The following HIP1R variants were observed in gnomAD, a reference collection of about 807,000 sequenced individuals.
HIP1R encodes the protein huntingtin interacting protein 1 related, also known as huntingtin-interacting protein 1-related protein.
A neutral mutation model predicts 144.2 loss-of-function variants in HIP1R; 135 were observed. That is an observed-to-expected ratio of 0.94 (90% CI 0.81 to 1.08). HIP1R has a LOEUF of 1.08. HIP1R is among the 50% of genes least tolerant of loss of function. The pLI, the probability that HIP1R is intolerant of heterozygous loss-of-function variation, is 0.00. For synonymous variants in HIP1R, 698 were observed against 612.8 expected (o/e 1.14, Z -2.05); for missense variants, 1,462 against 1,432.8 (o/e 1.02, Z -0.33).
rs1044080582 is a variant in HIP1R, at chr12:122,862,887, G to A, written c.*1134G>A. The A allele has an allele frequency of 5.9e-5, 9 of 152,166 alleles. No individual in the cohort carries two copies. The highest frequency in any genetic ancestry group is 8.8e-5 in the Non-Finnish European group (6 of 68,026). The allele number at this position is 152,166 out of a possible 1,614,324, so 9.4% of individuals were successfully genotyped here. A position where few individuals can be genotyped will look rare whatever the true frequency, so the allele number is the denominator to read the frequency against. The stretch of plus-strand genomic sequence containing the variant: ...GGAGCAAAAATGAGCCAGCACCAGC[G>A]CCTTGGCTTTGTGTTAGCATTTCCT... On this transcript the variant is annotated 3_prime_UTR_variant, in exon 32 of 32. Transcript: ENST00000253083.
At position 122,862,643 on chromosome 12, in the gene HIP1R, A is replaced by G. The variant is rs1205904873; in HGVS notation, c.*890A>G. The G allele has an allele frequency of 2.0e-5, 3 of 151,720 alleles. No homozygotes were observed. Among genetic ancestry groups the G allele is most frequent in the African/African-American group, 7.3e-5 (3 of 41,226 alleles). 9.4% of individuals were successfully genotyped at this position (151,720 alleles called of 1,614,324 possible). On this transcript the variant is annotated 3_prime_UTR_variant, in exon 32 of 32. Coordinates refer to ENST00000253083, the MANE Select transcript of HIP1R (RefSeq NM_003959.3). ...CTGGACCAGGGCCCTCAGGGAGGGG[A>G]CCCTGCGGCTAGAGTGGGCTAGGCC...
At chr12:122,843,687 G>T (rs1374910850) in intron 1 of HIP1R, among the ~76,000 whole-genome samples, 8 of 152,158 alleles carry the variant, frequency 5.3e-5, no homozygotes, top group Non-Finnish European at 1.5e-5. Flanking sequence ...GTGGCCCCTG[G>T]GGCGTGGGTG....
intron 18 of HIP1R, 188 bp downstream of exon 18, chr12:122,857,403 T>A: frequency 1.6e-6 from 1 of 640,252 alleles, no homozygotes; most frequent in Non-Finnish European, 2.8e-6. Context: ...GCCTGTGTCA[T>A]TACCTCATTC....
chr12:122,854,167 G>A lies in HIP1R; in HGVS notation c.702G>A (p.Leu234=). 6.2e-7 allele frequency: 1 copy of A among 1,613,738 alleles called. No homozygotes were observed. Among genetic ancestry groups the A allele is most frequent in the Non-Finnish European group, 8.5e-7 (1 of 1,179,892 alleles). ...SHLYHYTVKL[L]FKLHSCLPAD... ...TCTACCACTACACGGTCAAGCTCCT[G>A]TTCAAGCTACACTCTTGTGAGTGGC... Residue 234 remains leucine, a synonymous_variant, in exon 8 of 32, where the codon CTG becomes CTA. Transcript: ENST00000253083.
In HIP1R at chr12:122,857,120, C is replaced by T. The variant is rs1413283188; in HGVS notation, c.1720C>T (p.Gln574Ter). The T allele has an allele frequency of 6.4e-7, 1 of 1,550,646 alleles. No homozygotes were observed. The highest frequency in any genetic ancestry group is 2.0e-5 in the Admixed American group (1 of 51,028). Residue 574 changes from glutamine (Q) to a stop codon, truncating the protein, a stop_gained, in exon 18 of 32, where the codon CAG becomes TAG. Coordinates refer to ENST00000253083, the MANE Select transcript of HIP1R (RefSeq NM_003959.3). LOFTEE classifies it high-confidence loss of function. ...GCGGGAGGCAGACCTGCTGGCGGCG[C>T]AGAGCCTGGTGCGCGAGACAGAGGC... ...RQREADLLAA[Q>*]SLVRETEAAL...
At chr12:122,857,939 C>T (rs752636618) in intron 18 of HIP1R, 163 bp from the exon 19 acceptor site, 3 of 563,888 alleles carry the variant, frequency 5.3e-6, no homozygotes, top group Non-Finnish European at 9.2e-6. Context: ...TATTCTTGAG[C>T]TGTGCACTGT....
chr12:122,843,371 T>C (rs1183163291), intron 1 of HIP1R, among the ~76,000 whole-genome samples: 2 of 152,220 alleles, frequency 1.3e-5, no homozygotes, highest in East Asian at 3.8e-4. Context: ...CCGAGGTTCC[T>C]TGTGAACATT....
At chr12:122,850,166 G>A (rs2033332661) in intron 5 of HIP1R, 4 of 680,964 alleles carry the variant, frequency 5.9e-6, no homozygotes, top group Non-Finnish European at 1.1e-5. Context: ...CGTGGACGTG[G>A]GCACGGGCTT....
At chr12:122,848,920 G>A (rs1396913426) in intron 4 of HIP1R, 68 bp downstream of exon 4, 30 of 1,534,220 alleles carry the variant, frequency 2.0e-5, no homozygotes, top group Non-Finnish European at 2.5e-5. Context: ...GCTGAGCGAA[G>A]GGTGGCTCCC....
chr12:122,861,634 C>A, intron 31 of HIP1R, 72 bp from the exon 32 acceptor site: 1 of 1,591,730 alleles, frequency 6.3e-7, no homozygotes, highest in Non-Finnish European at 8.6e-7. Flanking sequence ...CAGGGAGGAG[C>A]TTGCTCAAGG....
At chr12:122,837,407 C>CT (rs1438898634) in intron 1 of HIP1R, among the ~76,000 whole-genome samples, 1 of 152,058 alleles carries the variant, frequency 6.6e-6, no homozygotes, top group Non-Finnish European at 1.5e-5. Flanking sequence ...CAACCTCCGC[C>CT]TCCCGGGTTC....
intron 28 of HIP1R, 33 bp downstream of exon 28, chr12:122,860,817 C>A: frequency 2.5e-6 from 4 of 1,605,050 alleles, no homozygotes; most frequent in Non-Finnish European, 3.4e-6. Context: ...GCACACTGGG[C>A]TCTGGGCCCA....
chr12:122,856,785 A>G (rs1480815376), intron 17 of HIP1R, 59 bp downstream of exon 17: 2 of 1,410,318 alleles, frequency 1.4e-6, no homozygotes, highest in Non-Finnish European at 9.7e-7. Flanking sequence ...GGTGGAAGTC[A>G]GGTCCTCTTT....
At position 122,855,104 on chromosome 12, in the gene HIP1R, C is replaced by T. The variant is rs1465372695; in HGVS notation, c.828C>T (p.Leu276=). The change falls in exon 10 of 32, where the codon CTC becomes CTT. Residue 276 remains leucine, a synonymous_variant. Coordinates refer to ENST00000253083, the MANE Select transcript of HIP1R (RefSeq NM_003959.3). ...CCGACATGCTGTACTTCAAGCGGCT[C>T]ATCCAGATCCCCCGGCTGCCCGAGG... ...RASDMLYFKR[L]IQIPRLPEGP... 6.2e-7 allele frequency: 1 copy of T among 1,613,794 alleles called. No homozygotes were observed. Among genetic ancestry groups the T allele is most frequent in the Admixed American group, 1.7e-5 (1 of 60,028 alleles).
At chr12:122,834,855 CAA>C (rs1193217453), upstream of HIP1R, 3 of 852,526 alleles carry the variant, frequency 3.5e-6, no homozygotes, top group Non-Finnish European at 3.4e-6. Flanking sequence ...CAGAATTGCA[CAA>C]AGAGGGGAGA....
intron 18 of HIP1R, chr12:122,857,431 T>C (rs2135672500): frequency 1.6e-6 from 1 of 613,518 alleles, no homozygotes; most frequent in Non-Finnish European, 2.9e-6. Flanking sequence ...GGCTGAGTCG[T>C]ACTCTGCCGT....
intron 1 of HIP1R, among the ~76,000 whole-genome samples, chr12:122,847,233 G>A (rs1447005918): frequency 5.9e-5 from 9 of 152,012 alleles, no homozygotes; most frequent in Admixed American, 4.6e-4. Context: ...TGATGGTACC[G>A]CCGTGAGCCC....
rs1366518660 is a variant in HIP1R, at chr12:122,860,517, A to G, written c.2654A>G (p.Gln885Arg). The G allele has an allele frequency of 2.0e-6, 3 of 1,501,266 alleles. No individual in the cohort carries two copies. The highest frequency in any genetic ancestry group is 2.8e-5 in the African/African-American group (2 of 72,158). The allele number at this position is 1,501,266 out of a possible 1,614,324, so 93.0% of individuals were successfully genotyped here. A position where few individuals can be genotyped will look rare whatever the true frequency, so the allele number is the denominator to read the frequency against. ...ASKAVGWGAT[Q>R]LVEAADKVVL... ...AAGGCTGTGGGCTGGGGAGCCACAC[A>G]GCTGGTGTAGGTTGCCCTGGGTGGG... Residue 885 changes from glutamine (Q) to arginine (R), a missense_variant, in exon 27 of 32, where the codon CAG (glutamine) becomes CGG (arginine). Physicochemically the swap from Gln to Arg is conservative, Grantham distance 43 (BLOSUM62 1). Coordinates refer to ENST00000253083, the MANE Select transcript of HIP1R (RefSeq NM_003959.3).
At chr12:122,839,425 C>T (rs933042831) in intron 1 of HIP1R, among the ~76,000 whole-genome samples, 2 of 152,206 alleles carry the variant, frequency 1.3e-5, no homozygotes, top group Non-Finnish European at 2.9e-5. Context: ...CATGAAACTA[C>T]CCAGGTGTAA....
Sources: allele counts gnomAD v4.1 joint callset (sites outside exome capture counted in the v4.1 genomes callset), GRCh38; gene constraint gnomAD v4.1.1; transcripts MANE v1.5; gene names NCBI Gene and HGNC (gene_info 2026-07-23, HGNC 2026-07-21).